The following MLLT10 variants were observed in gnomAD, a reference collection of about 807,000 sequenced individuals.
MLLT10 encodes the protein protein AF-10.
MLLT10 carries 30 observed loss-of-function variants against 129.1 expected under a neutral mutation model. The observed-to-expected ratio is 0.23, with a 90% CI of 0.17 to 0.32. The LOEUF (loss-of-function observed/expected upper bound fraction) is 0.32, where lower values mean the gene tolerates loss of function less well. Ranked by LOEUF, MLLT10 falls within the 10% of genes least tolerant of loss-of-function variation. The pLI, the probability that MLLT10 is intolerant of heterozygous loss-of-function variation, is 1.00. For missense variants in MLLT10, 1,119 were observed against 1,268.3 expected, an observed-to-expected ratio of 0.88 and a Z score of 1.79; for synonymous variants, 490 against 446.4, an observed-to-expected ratio of 1.10 and a Z score of -1.23.
At chr10:21,727,246 GAT>G (rs2057586092) in intron 15 of MLLT10, among the ~76,000 whole-genome samples, 1 of 152,174 alleles carries the variant, frequency 6.6e-6, no homozygotes, top group African/African-American at 2.4e-5. Context: ...TCCAAGCAGA[GAT>G]ATATGATATT....
chr10:21,544,883 T>C (rs1219206691), intron 3 of MLLT10, among the ~76,000 whole-genome samples: 2 of 152,192 alleles, frequency 1.3e-5, no homozygotes, highest in Non-Finnish European at 2.9e-5. Context: ...CTGTGTCTTA[T>C]GCCTGTAATC....
intron 13 of MLLT10, among the ~76,000 whole-genome samples, chr10:21,702,173 C>T (rs2054996630): frequency 1.3e-5 from 2 of 152,046 alleles, no homozygotes; most frequent in South Asian, 2.1e-4. Flanking sequence ...GATCCGCCCA[C>T]CTCAGCTGCC....
intron 3 of MLLT10, among the ~76,000 whole-genome samples, chr10:21,554,458 T>A (rs2037589615): frequency 6.6e-6 from 1 of 150,752 alleles, no homozygotes; most frequent in South Asian, 2.1e-4. Context: ...CACTTAAATT[T>A]TTTTTTTTTT....
chr10:21,714,070 A>G (rs1240105532), intron 14 of MLLT10, 120 bp downstream of exon 14: 3 of 781,760 alleles, frequency 3.8e-6, no homozygotes, highest in South Asian at 2.2e-5. Flanking sequence ...AAATACCTCA[A>G]TTTGTATTAA....
intron 13 of MLLT10, among the ~76,000 whole-genome samples, chr10:21,696,701 C>T (rs1459460100): frequency 6.6e-6 from 1 of 152,046 alleles, no homozygotes; most frequent in Non-Finnish European, 1.5e-5. Flanking sequence ...TGGTGGCTTC[C>T]CTTTATCCAA....
intron 3 of MLLT10, among the ~76,000 whole-genome samples, chr10:21,568,967 C>G (rs1192593833): frequency 6.6e-6 from 1 of 152,140 alleles, no homozygotes; most frequent in Non-Finnish European, 1.5e-5. Context: ...TGTTTTGATT[C>G]CAAATATTGG....
At chr10:21,717,906 C>CCTCCTT (rs574950323) in intron 14 of MLLT10, among the ~76,000 whole-genome samples, 17 of 143,878 alleles carry the variant, frequency 1.2e-4, no homozygotes, top group Admixed American at 2.7e-4. Context: ...TCCTCCTCCT[C>CCTCCTT]CTCCTTCTCC....
intron 8 of MLLT10, among the ~76,000 whole-genome samples, chr10:21,650,190 T>C (rs1242117662): frequency 6.6e-6 from 1 of 151,580 alleles, no homozygotes; most frequent in Non-Finnish European, 1.5e-5. Context: ...ATAAAAAAAA[T>C]ACATATAAAA....
At chr10:21,720,758 T>C (rs2057073262) in intron 14 of MLLT10, among the ~76,000 whole-genome samples, 1 of 152,242 alleles carries the variant, frequency 6.6e-6, no homozygotes, top group East Asian at 1.9e-4. Flanking sequence ...TTGTATTTTC[T>C]AATAATTTTA....
intron 3 of MLLT10, chr10:21,557,258 T>C (rs1246661897): frequency 2.2e-6 from 2 of 921,138 alleles, no homozygotes; most frequent in African/African-American, 3.5e-5. Context: ...TAAGTAATAG[T>C]TTATGAAATC....
chr10:21,700,459 A>T (rs2054803580), intron 13 of MLLT10, among the ~76,000 whole-genome samples: 1 of 152,060 alleles, frequency 6.6e-6, no homozygotes, highest in Non-Finnish European at 1.5e-5. Flanking sequence ...TAGAGGAAAA[A>T]TTTTAGCTTT....
rs533440853 is a variant in MLLT10, at chr10:21,664,576, T to TGAGCCACTGC, written c.796-5872_796-5871insAGCCACTGCG. 2.3e-3 allele frequency among the ~76,000 whole-genome samples: 354 copies of TGAGCCACTGC among 152,296 alleles called. 2 individuals carry two copies. Among genetic ancestry groups the TGAGCCACTGC allele is most frequent in the African/African-American group, 8.1e-3 (336 of 41,548 alleles). On this transcript the variant is annotated intron_variant, in intron 9 of 22. Coordinates refer to ENST00000307729, the MANE Select transcript of MLLT10 (RefSeq NM_001195626.3). ...CCCAAAGTTGCTGGGATTACAGGCG[T>TGAGCCACTGC]GCCCGGCTCTATGTGTTTTTTATAA...
intron 8 of MLLT10, among the ~76,000 whole-genome samples, chr10:21,644,879 C>G (rs1303105128): frequency 6.6e-6 from 1 of 152,136 alleles, no homozygotes; most frequent in African/African-American, 2.4e-5. Flanking sequence ...GATTCTCTCA[C>G]CTAGGCCTCC....
chr10:21,566,203 C>G (rs1045731530), intron 3 of MLLT10, among the ~76,000 whole-genome samples: 5 of 151,568 alleles, frequency 3.3e-5, no homozygotes, highest in Non-Finnish European at 7.4e-5. Flanking sequence ...GATCTGCTCT[C>G]CTAGGCCTCC....
chr10:21,713,547 A>G (rs1346857957), intron 13 of MLLT10, among the ~76,000 whole-genome samples: 1 of 152,208 alleles, frequency 6.6e-6, no homozygotes, highest in Non-Finnish European at 1.5e-5. Context: ...GCTTTTAACA[A>G]AAGCCTTTTT....
chr10:21,700,573 G>T (rs1003173168), intron 13 of MLLT10, among the ~76,000 whole-genome samples: 2 of 152,056 alleles, frequency 1.3e-5, no homozygotes, highest in African/African-American at 4.8e-5. Flanking sequence ...AATATGAAGC[G>T]ATGTTGAATT....
chr10:21,663,902 T>C (rs971186757), intron 9 of MLLT10, among the ~76,000 whole-genome samples: 2 of 152,146 alleles, frequency 1.3e-5, no homozygotes, highest in African/African-American at 2.4e-5. Context: ...TTCACTGATA[T>C]AAGAGTTGGT....
rs2045070099 is a variant in MLLT10, at chr10:21,614,834, T to C, written c.513T>C (p.Ala171=). Residue 171 remains alanine, a synonymous_variant, in exon 7 of 23, where the codon GCT becomes GCC. Coordinates refer to ENST00000307729, the MANE Select transcript of MLLT10 (RefSeq NM_001195626.3). Reference sequence around the variant, plus strand: ...TATACTTGGCTTTTATTTTCAGCGCTCAGTTTGCCGGACTGCTTTGTGAAG... The same window carrying C: ...TATACTTGGCTTTTATTTTCAGCGCCCAGTTTGCCGGACTGCTTTGTGAAG... ...GCRQAFHVTC[A]QFAGLLCEEE... is the part of the protein sequence containing the mutation. 3.7e-6 allele frequency: 6 copies of C among 1,611,188 alleles called. No homozygotes were observed. Among genetic ancestry groups the C allele is most frequent in the East Asian group, 2.2e-5 (1 of 44,816 alleles).
At chr10:21,578,885 C>T (rs1302580240) in intron 3 of MLLT10, among the ~76,000 whole-genome samples, 5 of 152,180 alleles carry the variant, frequency 3.3e-5, no homozygotes, top group African/African-American at 1.2e-4. Flanking sequence ...ATAATTTTGG[C>T]TTTCAATAAT....
Sources: allele counts gnomAD v4.1 joint callset (sites outside exome capture counted in the v4.1 genomes callset), GRCh38; gene constraint gnomAD v4.1.1; transcripts MANE v1.5; gene names NCBI Gene and HGNC (gene_info 2026-07-23, HGNC 2026-07-21).